The following APOL4 variants were observed in gnomAD, a reference collection of about 807,000 sequenced individuals.
APOL4 encodes apolipoprotein L, 4.
In APOL4, 14 loss-of-function variants were observed where a neutral mutation model predicts 12.1. The observed-to-expected ratio is 1.16, with a 90% CI of 0.76 to 1.81. The LOEUF is 1.81. Ranked by LOEUF, APOL4 falls within the 40% of genes most tolerant of loss-of-function variation. The pLI, the probability that APOL4 is intolerant of heterozygous loss-of-function variation, is 0.00. For missense variants in APOL4, 432 were observed against 423.1 expected (o/e 1.02, Z -0.18); for synonymous variants, 171 against 160.6 (o/e 1.06, Z -0.49).
At position 36,191,798 on chromosome 22, in the gene APOL4, CTCTT is replaced by C; in HGVS notation, c.320_323del (p.Lys107SerfsTer13). 1.1e-5 allele frequency: 5 copies of C among 452,606 alleles called. No homozygotes were observed. The highest frequency in any genetic ancestry group is 7.0e-4 in the Middle Eastern group (1 of 1,434). The allele number at this position is 452,606 out of a possible 1,614,324, so 28.0% of individuals were successfully genotyped here. A position where few individuals can be genotyped will look rare whatever the true frequency, so the allele number is the denominator to read the frequency against. Reference sequence around the variant, plus strand: ...GAATCTTCCATCTGATTTGAGGAAACTCTTTCAAAAACCACTCCCTAAACTGCTG... The same window carrying C: ...GAATCTTCCATCTGATTTGAGGAAACTCAAAAACCACTCCCTAAACTGCTG... On this transcript the variant is annotated frameshift_variant, in exon 4 of 4. Coordinates refer to ENST00000683024, the MANE Select transcript of APOL4 (RefSeq NM_001386885.1). LOFTEE classifies it low-confidence loss of function (END_TRUNC).
intron 1 of APOL4, among the ~76,000 whole-genome samples, chr22:36,201,146 A>G (rs1460305565): frequency 2.6e-5 from 4 of 151,438 alleles, no homozygotes; most frequent in East Asian, 1.9e-4. Context: ...TAATGATACT[A>G]TAAATAATAA....
Position 36,190,547 on chromosome 22 carries a change from C to G in APOL4, c.*528G>C, listed in dbSNP as rs921467292. On this transcript the variant is annotated 3_prime_UTR_variant, in exon 4 of 4. Coordinates refer to ENST00000683024, the MANE Select transcript of APOL4 (RefSeq NM_001386885.1). ...ATTTATAGACCCACCCTCAGGGGTG[C>G]ATTCTCTTTCTCAGGGATGTTCCTT... The G allele has an allele frequency of 8.9e-5, 14 of 157,446 alleles. No homozygotes were observed. Among genetic ancestry groups the G allele is most frequent in the African/African-American group, 2.2e-4 (9 of 41,472 alleles). 9.8% of individuals were successfully genotyped at this position (157,446 alleles called of 1,614,324 possible).
At position 36,196,158 on chromosome 22, in the gene APOL4, A is replaced by G. The variant is rs199792254; in HGVS notation, c.83-721T>C. 2.3e-4 allele frequency among the ~76,000 whole-genome samples: 35 copies of G among 150,178 alleles called. No individual in the cohort carries two copies. The East Asian group carries it at 4.7e-3, about 20-fold the overall frequency. Reference sequence around the variant, plus strand: ...TCCTGCCATGTGCCTATTGTCAAACACTTTACACCAGTGTCTTCAAAATCT... The same window carrying G: ...TCCTGCCATGTGCCTATTGTCAAACGCTTTACACCAGTGTCTTCAAAATCT... On this transcript the variant is annotated intron_variant, in intron 2 of 3. Transcript: ENST00000683024.
chr22:36,198,925 G>C (rs895941825), intron 2 of APOL4, among the ~76,000 whole-genome samples: 20 of 152,182 alleles, frequency 1.3e-4, no homozygotes, highest in Admixed American at 4.6e-4. Context: ...GGTCAGCCAG[G>C]AGCAGAGAGG....
intron 2 of APOL4, among the ~76,000 whole-genome samples, chr22:36,198,746 G>A (rs933457230): frequency 6.6e-6 from 1 of 152,184 alleles, no homozygotes; most frequent in Non-Finnish European, 1.5e-5. Context: ...TGCAGGTGAG[G>A]AGGAGTAAGG....
rs181375214 is a variant in APOL4, at chr22:36,189,997, G to A, written c.*1078C>T. 1.5e-4 allele frequency: 31 copies of A among 205,736 alleles called. No homozygotes were observed. Among genetic ancestry groups the A allele is most frequent in the East Asian group, 1.1e-3 (10 of 8,836 alleles). The allele number at this position is 205,736 out of a possible 1,614,324, so 12.7% of individuals were successfully genotyped here. The stretch of plus-strand genomic sequence containing the variant: ...CACTGCTCTGGGGTCATTGGGTATC[G>A]GGGAACCTGCCCCGATGGTCACGTA... On this transcript the variant is annotated 3_prime_UTR_variant, in exon 4 of 4. Coordinates refer to ENST00000683024, the MANE Select transcript of APOL4 (RefSeq NM_001386885.1).
Position 36,191,404 on chromosome 22 carries a change from T to A in APOL4, c.718A>T (p.Ile240Phe). Residue 240 changes from isoleucine (I) to phenylalanine (F), a missense_variant, in exon 4 of 4, where the codon ATT (isoleucine) becomes TTT (phenylalanine). Coordinates refer to ENST00000683024, the MANE Select transcript of APOL4 (RefSeq NM_001386885.1). ...ALDFDEATKM[I>F]ANDVHTLRRS... is the part of the protein sequence containing the mutation. ...CTGAGTGTATGGACATCATTCGCAATCATTTTTGTGGCTTCGTCAAAATCA... is the reference window on the plus strand; with the variant it reads ...CTGAGTGTATGGACATCATTCGCAAACATTTTTGTGGCTTCGTCAAAATCA... The A allele has an allele frequency of 6.2e-7, 1 of 1,614,076 alleles. No individual in the cohort carries two copies. The highest frequency in any genetic ancestry group is 1.7e-5 in the Admixed American group (1 of 60,032).
chr22:36,202,169 C>G, upstream of APOL4: 1 of 1,428,140 alleles, frequency 7.0e-7, no homozygotes, highest in Non-Finnish European at 9.7e-7. Flanking sequence ...GGCTTTGACG[C>G]CATCCTAGCT....
At chr22:36,203,452 A>G (rs2014642440), upstream of APOL4, among the ~76,000 whole-genome samples, 1 of 152,248 alleles carries the variant, frequency 6.6e-6, no homozygotes, top group Admixed American at 6.5e-5. Context: ...ATGTAGAAGT[A>G]CAGTATACAG....
chr22:36,193,922 C>G (rs2146938264), intron 3 of APOL4, among the ~76,000 whole-genome samples: 1 of 152,330 alleles, frequency 6.6e-6, no homozygotes, highest in African/African-American at 2.4e-5. Context: ...TCTCACATGT[C>G]ACCAGCCAAA....
intron 3 of APOL4, among the ~76,000 whole-genome samples, chr22:36,192,742 A>G (rs1244593030): frequency 6.6e-6 from 1 of 152,164 alleles, no homozygotes; most frequent in Non-Finnish European, 1.5e-5. Flanking sequence ...ACAGGCCAGT[A>G]TAGCAATGTG....
chr22:36,198,019 A>T (rs1021926258), intron 2 of APOL4, among the ~76,000 whole-genome samples: 2 of 152,112 alleles, frequency 1.3e-5, no homozygotes, highest in African/African-American at 4.8e-5. Flanking sequence ...GCCTCTTCCC[A>T]TAAATCCTTA....
rs1248564119 is a variant in APOL4 at position 36,191,415 on chromosome 22, G to C, written c.707C>G (p.Ala236Gly). Residue 236 changes from alanine (A) to glycine (G), a missense_variant, in exon 4 of 4, where the codon GCC becomes GGC. Ala to Gly is a moderately conservative substitution (Grantham distance 60, BLOSUM62 0). Coordinates refer to ENST00000683024, the MANE Select transcript of APOL4 (RefSeq NM_001386885.1). ...VLSFALDFDE[A>G]TKMIANDVHT... ...GACATCATTCGCAATCATTTTTGTG[G>C]CTTCGTCAAAATCAAGTGCAAAAGA... is the stretch of plus-strand genomic sequence containing the variant. The C allele has an allele frequency of 6.2e-7, 1 of 1,614,042 alleles. No homozygotes were observed.
In APOL4 at chr22:36,191,925, A is replaced by C. The variant is rs749006492; in HGVS notation, c.210-13T>G. 1 of 1,554,926 alleles carries C rather than the reference A, an allele frequency of 6.4e-7. No individual in the cohort carries two copies. On this transcript the variant is annotated splice_polypyrimidine_tract_variant and intron_variant, in intron 3 of 3. Transcript: ENST00000683024. ...ATCTGCCTCTTCCCTGTACCAATAA[A>C]GGACAGATGATTAAGAAAGGCAGCT...
intron 1 of APOL4, among the ~76,000 whole-genome samples, chr22:36,200,390 G>A (rs1396346012): frequency 6.6e-6 from 1 of 152,140 alleles, no homozygotes; most frequent in African/African-American, 2.4e-5. Flanking sequence ...TTTCGTCTTG[G>A]TGAATTCACT....
chr22:36,202,244 C>T (rs900564984), upstream of APOL4: 7 of 720,306 alleles, frequency 9.7e-6, no homozygotes, highest in Admixed American at 1.9e-4. Flanking sequence ...GTAGCTGGGA[C>T]TACAGGTGCA....
At chr22:36,203,492 T>C (rs1408002636), upstream of APOL4, among the ~76,000 whole-genome samples, 1 of 152,172 alleles carries the variant, frequency 6.6e-6, no homozygotes, top group Non-Finnish European at 1.5e-5. Context: ...AGTGTGTGCG[T>C]CAGTAATTTC....
At chr22:36,203,389 GATGAAGTA>G (rs926922235), upstream of APOL4, among the ~76,000 whole-genome samples, 8 of 152,178 alleles carry the variant, frequency 5.3e-5, no homozygotes, top group Non-Finnish European at 1.2e-4. Flanking sequence ...GTCACATGGG[GATGAAGTA>G]ATTCTTTAAC....
At chr22:36,203,071 A>G (rs899562233), upstream of APOL4, among the ~76,000 whole-genome samples, 1 of 152,238 alleles carries the variant, frequency 6.6e-6, no homozygotes, top group Non-Finnish European at 1.5e-5. Context: ...TCTCATGATT[A>G]CAAAGCTGGC....
Sources: allele counts gnomAD v4.1 joint callset (sites outside exome capture counted in the v4.1 genomes callset), GRCh38; gene constraint gnomAD v4.1.1; transcripts MANE v1.5; gene names NCBI Gene and HGNC (gene_info 2026-07-23, HGNC 2026-07-21).